Variants in POU2F3 observed in about 807,000 individuals in gnomAD.
POU2F3 encodes the protein POU domain, class 2, transcription factor 3.
POU2F3 carries 23 observed loss-of-function variants against 59.2 expected under a neutral mutation model. That is an observed-to-expected ratio of 0.39 (90% confidence interval 0.28 to 0.55). POU2F3 has a LOEUF of 0.55. POU2F3 is among the 20% of genes least tolerant of loss of function. The pLI, the probability that POU2F3 is intolerant of heterozygous loss-of-function variation, is 0.66. For synonymous variants in POU2F3, 190 were observed against 214.6 expected (o/e 0.89, Z 1.00); for missense variants, 473 against 544.5 (o/e 0.87, Z 1.31).
intron 2 of POU2F3, 67 bp downstream of exon 2, chr11:120,246,584 A>T (rs576124160): frequency 1.4e-5 from 22 of 1,541,186 alleles, no homozygotes; most frequent in Non-Finnish European, 1.9e-5. Context: ...ATTGTTGAAC[A>T]ACTGGTGTCT....
chr11:120,302,613 A>G (rs1351891831), intron 6 of POU2F3: 4 of 490,614 alleles, frequency 8.2e-6, no homozygotes, highest in Admixed American at 7.2e-5. Flanking sequence ...AGCCTCCTTC[A>G]TGCTCCAGGC....
intron 2 of POU2F3, among the ~76,000 whole-genome samples, chr11:120,255,652 C>G (rs562570666): frequency 3.0e-4 from 46 of 152,224 alleles, no homozygotes; most frequent in African/African-American, 1.1e-3. Flanking sequence ...TTGACTGGCT[C>G]CCTTCCCACC....
intron 2 of POU2F3, among the ~76,000 whole-genome samples, chr11:120,247,530 A>G (rs1014823392): frequency 6.6e-6 from 1 of 152,208 alleles, no homozygotes; most frequent in African/African-American, 2.4e-5. Flanking sequence ...ATACACATCA[A>G]ACTACAATCT....
At chr11:120,274,112 G>GAAGA (rs1491567812) in intron 3 of POU2F3, among the ~76,000 whole-genome samples, 18 of 91,040 alleles carry the variant, frequency 2.0e-4, no homozygotes, top group African/African-American at 7.3e-4. Flanking sequence ...AGGAAGAAAG[G>GAAGA]AAGGAAGGAA....
At chr11:120,293,849 C>T (rs1260184716) in intron 3 of POU2F3, among the ~76,000 whole-genome samples, 1 of 152,188 alleles carries the variant, frequency 6.6e-6, no homozygotes. Context: ...CACCGATGGT[C>T]TATTCTCTCT....
chr11:120,274,032 AAGAG>A (rs1299107966), intron 3 of POU2F3, among the ~76,000 whole-genome samples: 3 of 151,470 alleles, frequency 2.0e-5, no homozygotes, highest in Non-Finnish European at 1.5e-5. Context: ...AAAGAAAAAA[AAGAG>A]AGAGAGAGAA....
chr11:120,237,119 T>C (rs1172425243), upstream of POU2F3, among the ~76,000 whole-genome samples: 1 of 152,206 alleles, frequency 6.6e-6, no homozygotes, highest in Non-Finnish European at 1.5e-5. Flanking sequence ...GTCTACTAGC[T>C]GCGTTTACTT....
chr11:120,268,835 T>G (rs1939943787), intron 2 of POU2F3, among the ~76,000 whole-genome samples: 2 of 152,290 alleles, frequency 1.3e-5, no homozygotes, highest in East Asian at 3.9e-4. Context: ...GGTCTCTTCT[T>G]GGTCCCTTGG....
intron 3 of POU2F3, among the ~76,000 whole-genome samples, chr11:120,283,623 C>T (rs1017426214): frequency 1.3e-5 from 2 of 152,148 alleles, no homozygotes; most frequent in African/African-American, 4.8e-5. Flanking sequence ...TTTGCATGAG[C>T]CCTGACCCTA....
chr11:120,237,016 A>G (rs1484640324), upstream of POU2F3, among the ~76,000 whole-genome samples: 1 of 152,174 alleles, frequency 6.6e-6, no homozygotes, highest in Non-Finnish European at 1.5e-5. Flanking sequence ...TTATCTGATA[A>G]GAGAAGGGGA....
intron 3 of POU2F3, among the ~76,000 whole-genome samples, chr11:120,293,797 A>T (rs1471360240): frequency 6.6e-6 from 1 of 152,140 alleles, no homozygotes; most frequent in Non-Finnish European, 1.5e-5. Flanking sequence ...GTCAGTAAGG[A>T]AGTCTCAGTG....
chr11:120,292,842 T>A (rs1941070593), intron 3 of POU2F3, among the ~76,000 whole-genome samples: 1 of 152,240 alleles, frequency 6.6e-6, no homozygotes, highest in Admixed American at 6.5e-5. Context: ...CCCAACATTT[T>A]TAGAACTGAA....
chr11:120,305,128 G>A lies in POU2F3; in HGVS notation c.543G>A (p.Gly181=), dbSNP rs781350340. The A allele has an allele frequency of 3.1e-6, 5 of 1,613,890 alleles. No homozygotes were observed. The highest frequency in any genetic ancestry group is 3.4e-6 in the Non-Finnish European group (4 of 1,179,984). ...CCAAGCATCTACCCAGCTCTGGAGG[G>A]GCCGATGAGCCCAGTGACCTCGAGG... ...PVPKHLPSSG[G]ADEPSDLEEL... Residue 181 remains glycine, a synonymous_variant, in exon 7 of 13, where the codon GGG becomes GGA. Transcript: ENST00000543440.
At position 120,268,130 on chromosome 11, in the gene POU2F3, T is replaced by A. The variant is rs572997563; in HGVS notation, c.98-1080T>A. On this transcript the variant is annotated intron_variant, in intron 2 of 12. Transcript: ENST00000543440. The stretch of plus-strand genomic sequence containing the variant: ...TAGAAGCATTTATGATGTTCCTTAA[T>A]AGCATAGGAGAAATATTTATGATGC... 2.6e-5 allele frequency among the ~76,000 whole-genome samples: 4 copies of A among 152,210 alleles called. No homozygotes were observed. The South Asian group carries it at 8.3e-4, about 32-fold the overall frequency.
chr11:120,307,720 G>A, intron 9 of POU2F3, 105 bp downstream of exon 9: 1 of 1,417,798 alleles, frequency 7.1e-7, no homozygotes, highest in African/African-American at 1.4e-5. Flanking sequence ...CCTCACACCT[G>A]CTCTGGGACA....
At position 120,317,526 on chromosome 11, in the gene POU2F3, C is replaced by A. The variant is rs1019047057; in HGVS notation, c.1271+162C>A. The stretch of plus-strand genomic sequence containing the variant: ...AGTGACAGCCAGACTGGACTTTATC[C>A]CTAGGGAGTGGAGATTTTAAAAAGA... On this transcript the variant is annotated intron_variant, in intron 12 of 12. Coordinates refer to ENST00000543440, the MANE Select transcript of POU2F3 (RefSeq NM_014352.4). Among the ~76,000 whole-genome samples the A allele has an allele frequency of 3.3e-5, 5 of 152,256 alleles. No homozygotes were observed. In the East Asian group the frequency reaches 9.7e-4, roughly 29 times the overall value.
chr11:120,242,409 G>A (rs115144499), intron 1 of POU2F3, among the ~76,000 whole-genome samples: 1,788 of 152,220 alleles, frequency 0.012, 36 homozygotes, highest in African/African-American at 0.041. Context: ...CTCATTATGG[G>A]TCCCTCTCTA....
chr11:120,245,763 C>G (rs1184307700), intron 1 of POU2F3, among the ~76,000 whole-genome samples: 5 of 152,140 alleles, frequency 3.3e-5, no homozygotes, highest in African/African-American at 1.2e-4. Flanking sequence ...TGTAGGTATT[C>G]TCTTTCTGTG....
chr11:120,257,666 C>T (rs1263066408), intron 2 of POU2F3, among the ~76,000 whole-genome samples: 1 of 152,124 alleles, frequency 6.6e-6, no homozygotes, highest in Non-Finnish European at 1.5e-5. Flanking sequence ...AAGGACATGG[C>T]ATCTCCACTC....
Sources: allele counts gnomAD v4.1 joint callset (sites outside exome capture counted in the v4.1 genomes callset), GRCh38; gene constraint gnomAD v4.1.1; transcripts MANE v1.5; gene names NCBI Gene and HGNC (gene_info 2026-07-23, HGNC 2026-07-21).